ADCY9: variants seen among roughly 807,000 people sequenced by gnomAD.
The protein encoded by ADCY9 is adenylate cyclase type 9.
ADCY9 carries 50 observed loss-of-function variants against 101.5 expected under a neutral mutation model. The observed-to-expected ratio is 0.49, with a 90% confidence interval of 0.39 to 0.62. ADCY9 has a LOEUF of 0.62. Ranked by LOEUF, ADCY9 falls within the 20% of genes least tolerant of loss-of-function variation. The pLI is 0.00. For missense variants in ADCY9, 1,662 were observed against 1,800.4 expected, an observed-to-expected ratio of 0.92 and a Z score of 1.39; for synonymous variants, 905 against 769.3, an observed-to-expected ratio of 1.18 and a Z score of -2.92.
chr16:4,106,699 A>G (rs1013333437), intron 2 of ADCY9, among the ~76,000 whole-genome samples: 3 of 152,256 alleles, frequency 2.0e-5, no homozygotes, highest in Admixed American at 1.3e-4. Flanking sequence ...ACCAAGACAA[A>G]GACGAGACTT....
intron 2 of ADCY9, among the ~76,000 whole-genome samples, chr16:4,055,126 C>T (rs575000165): frequency 4.6e-5 from 7 of 152,312 alleles, no homozygotes; most frequent in Admixed American, 1.3e-4. Context: ...GGAGTACAGG[C>T]CCCAGCACTG....
rs149164179 is a variant in ADCY9 at position 4,057,452 on chromosome 16, G to A, written c.1694-49894C>T. Among the ~76,000 whole-genome samples, 11 of 152,218 alleles carry A rather than the reference G, an allele frequency of 7.2e-5. No homozygotes were observed. In the East Asian group the frequency reaches 9.7e-4, roughly 13 times the overall value. On this transcript the variant is annotated intron_variant, in intron 2 of 10. Transcript: ENST00000294016. ...CACCCCAGAAAGAAACTCCGCACCC[G>A]GCTGCAGTGACACCATCATCCTGGC...
chr16:4,019,510 G>A (rs1324131410), intron 2 of ADCY9, among the ~76,000 whole-genome samples: 1 of 152,256 alleles, frequency 6.6e-6, no homozygotes, highest in Non-Finnish European at 1.5e-5. Flanking sequence ...AAGCACGAGA[G>A]GAGGGGACAA....
At chr16:4,008,110 T>A (rs2056379633) in intron 2 of ADCY9, among the ~76,000 whole-genome samples, 1 of 152,118 alleles carries the variant, frequency 6.6e-6, no homozygotes, top group Non-Finnish European at 1.5e-5. Flanking sequence ...AGCATCTATT[T>A]CCTGTTGGAT....
At chr16:4,031,018 G>GA (rs112884975) in intron 2 of ADCY9, among the ~76,000 whole-genome samples, 3,715 of 151,236 alleles carry the variant, frequency 0.025, 158 homozygotes, top group African/African-American at 0.084. Context: ...TAGCAGTAAA[G>GA]AAAAAAAAAT....
intron 3 of ADCY9, among the ~76,000 whole-genome samples, chr16:4,000,684 G>A (rs982731450): frequency 2.6e-5 from 4 of 151,852 alleles, no homozygotes; most frequent in Admixed American, 6.6e-5. Flanking sequence ...GAGCCACACG[G>A]GGCGGAGTCG....
chr16:4,078,067 T>C (rs960267322), intron 2 of ADCY9, among the ~76,000 whole-genome samples: 7 of 151,526 alleles, frequency 4.6e-5, no homozygotes, highest in African/African-American at 1.5e-4. Flanking sequence ...AAAAATAACA[T>C]GTTCAGCTTC....
rs1597150799 is a variant in ADCY9 at position 3,992,394 on chromosome 16, G to T, written c.1990-31C>A. ...TCGAGACAAAGAGGACGCAGACACG[G>T]GAAGTGAAGTGGCACCGGGCACTGG... is the stretch of plus-strand genomic sequence containing the variant. On this transcript the variant is annotated intron_variant, in intron 4 of 10. Transcript: ENST00000294016. The surrounding 1 kb of genome is among the most constrained non-coding windows in gnomAD (Gnocchi z 4.2). 6.2e-7 allele frequency: 1 copy of T among 1,603,810 alleles called. No homozygotes were observed. Among genetic ancestry groups the T allele is most frequent in the Admixed American group, 1.7e-5 (1 of 59,686 alleles).
intron 2 of ADCY9, 126 bp from the exon 3 acceptor site, chr16:4,007,684 G>C: frequency 1.3e-6 from 1 of 773,314 alleles, no homozygotes; most frequent in Non-Finnish European, 2.0e-6. Context: ...ATGTGAATAG[G>C]TCATAGTTTA....
In ADCY9 at chr16:3,978,652, G is replaced by A. The variant is rs538681721; in HGVS notation, c.2679+464C>T. Among the ~76,000 whole-genome samples the A allele has an allele frequency of 1.3e-3, 202 of 152,316 alleles. 1 individual carries two copies. The highest frequency in any genetic ancestry group is 4.6e-3 in the African/African-American group (191 of 41,574). ...CATCTGGGCAGGCCAATGCTAAGTC[G>A]GCTTCTAAAAAAGCTGGCTCAGGAG... is the stretch of plus-strand genomic sequence containing the variant. On this transcript the variant is annotated intron_variant, in intron 8 of 10. Coordinates refer to ENST00000294016, the MANE Select transcript of ADCY9 (RefSeq NM_001116.4).
downstream of ADCY9, among the ~76,000 whole-genome samples, chr16:3,960,549 A>C (rs2055931812): frequency 6.6e-6 from 1 of 152,144 alleles, no homozygotes; most frequent in Non-Finnish European, 1.5e-5. Flanking sequence ...AAACAACAAC[A>C]ACAAAAAATC....
At chr16:4,070,917 A>C (rs556629561) in intron 2 of ADCY9, among the ~76,000 whole-genome samples, 1 of 152,170 alleles carries the variant, frequency 6.6e-6, no homozygotes, top group Non-Finnish European at 1.5e-5. Context: ...ACTGCACTCC[A>C]GTCTTGGCAA....
chr16:4,050,374 TG>T (rs1427673327), intron 2 of ADCY9, among the ~76,000 whole-genome samples: 1 of 152,166 alleles, frequency 6.6e-6, no homozygotes, highest in African/African-American at 2.4e-5. Context: ...CGTGTGTGTA[TG>T]TACAAACATA....
chr16:3,994,719 A>G (rs2056273928), intron 3 of ADCY9, among the ~76,000 whole-genome samples: 1 of 152,146 alleles, frequency 6.6e-6, no homozygotes, highest in Non-Finnish European at 1.5e-5. Context: ...TGGCCTCCCA[A>G]AGTGCTGGGA....
chr16:4,001,005 A>ACACACACACACACG (rs2141714255), intron 3 of ADCY9, among the ~76,000 whole-genome samples: 1 of 146,904 alleles, frequency 6.8e-6, no homozygotes, highest in Non-Finnish European at 1.5e-5. Context: ...ACACACACAC[A>ACACACACACACACG]CACATATATA....
At chr16:3,984,086 C>CA (rs199642275) in intron 6 of ADCY9, 7,350 of 151,864 alleles carry the variant, frequency 0.048, 258 homozygotes, top group Admixed American at 0.083. Context: ...CAAAAAAACA[C>CA]AAAAAAAACC....
At chr16:3,983,488 C>T in intron 6 of ADCY9, 48 bp from the exon 7 acceptor site, 1 of 1,496,526 alleles carries the variant, frequency 6.7e-7, no homozygotes, top group South Asian at 1.2e-5. Context: ...CCATGGGCGG[C>T]CAGGAGCGCA....
Position 4,085,493 on chromosome 16 carries a change from G to A in ADCY9, c.1693+28257C>T, listed in dbSNP as rs573845302. 5.3e-5 allele frequency among the ~76,000 whole-genome samples: 8 copies of A among 152,232 alleles called. No individual in the cohort carries two copies. The East Asian group carries it at 1.5e-3, about 29-fold the overall frequency. Reference sequence around the variant, plus strand: ...TGTGTGAACACCATCAGCTGAGGTGGTATAGAAAAAGCAACTCCTGGTCAG... The same window carrying A: ...TGTGTGAACACCATCAGCTGAGGTGATATAGAAAAAGCAACTCCTGGTCAG... On this transcript the variant is annotated intron_variant, in intron 2 of 10. Coordinates refer to ENST00000294016, the MANE Select transcript of ADCY9 (RefSeq NM_001116.4).
In ADCY9 at chr16:4,097,487, T is replaced by TATACACACACACAC. The variant is rs76750792; in HGVS notation, c.1693+16262_1693+16263insGTGTGTGTGTGTAT. On this transcript the variant is annotated intron_variant, in intron 2 of 10. Transcript: ENST00000294016. ...ATATATATATATATATATATATATA[T>TATACACACACACAC]ACACACACACACACTATATATATGT... is the stretch of plus-strand genomic sequence containing the variant. Among the ~76,000 whole-genome samples the TATACACACACACAC allele has an allele frequency of 9.0e-3, 654 of 72,272 alleles. 9 individuals are homozygous for TATACACACACACAC. The highest frequency in any genetic ancestry group is 0.013 in the Non-Finnish European group (504 of 37,514). The allele number at this position is 72,272 out of a possible 152,430, so 47.4% of individuals were successfully genotyped here.
Sources: gnomAD v4.1 joint callset for allele counts (sites outside exome capture counted in the v4.1 genomes callset) on GRCh38, gnomAD v4.1.1 for gene constraint, Gnocchi (gnomAD v3.1) non-coding constraint, MANE v1.5 for transcripts, NCBI Gene and HGNC (gene_info 2026-07-23, HGNC 2026-07-21) for gene names.